The following CTIF variants were observed in gnomAD, a reference collection of about 807,000 sequenced individuals.
CTIF encodes the protein CBP80/20-dependent translation initiation factor.
Under a neutral mutation model 66.0 loss-of-function variants are expected in CTIF, and 21 were observed. That is an observed-to-expected ratio of 0.32 (90% CI 0.23 to 0.46). CTIF has a LOEUF of 0.46. CTIF is among the 20% of genes least tolerant of loss of function. The pLI is 1.00. For missense variants in CTIF, 739 were observed against 812.7 expected (o/e 0.91, Z 1.10); for synonymous variants, 345 against 326.4 (o/e 1.06, Z -0.62).
intron 9 of CTIF, among the ~76,000 whole-genome samples, chr18:48,808,405 A>G (rs942918223): frequency 1.3e-5 from 2 of 151,958 alleles, no homozygotes; most frequent in African/African-American, 4.8e-5. Context: ...TCCTGAGCAT[A>G]TCAATTGTCT....
At chr18:48,799,005 T>C (rs1034702584) in intron 9 of CTIF, among the ~76,000 whole-genome samples, 1 of 152,198 alleles carries the variant, frequency 6.6e-6, no homozygotes, top group African/African-American at 2.4e-5. Context: ...CTCCTCTCGC[T>C]GCCACCAGCG....
chr18:48,846,249 T>G (rs1192731407), intron 10 of CTIF, among the ~76,000 whole-genome samples: 6 of 152,244 alleles, frequency 3.9e-5, no homozygotes, highest in Admixed American at 3.3e-4. Flanking sequence ...TTTTGCTTTT[T>G]TACATCTTTC....
chr18:48,560,093 G>A (rs905891296), intron 1 of CTIF, among the ~76,000 whole-genome samples: 1 of 152,154 alleles, frequency 6.6e-6, no homozygotes, highest in African/African-American at 2.4e-5. Flanking sequence ...GCATAGAAAT[G>A]CCAGTTATCT....
At chr18:48,645,910 G>T (rs2091022701) in intron 3 of CTIF, among the ~76,000 whole-genome samples, 1 of 152,188 alleles carries the variant, frequency 6.6e-6, no homozygotes, top group Non-Finnish European at 1.5e-5. Flanking sequence ...CTTTTCCCCT[G>T]CCAGAGTGGT....
At chr18:48,611,794 A>T (rs1206982328) in intron 1 of CTIF, among the ~76,000 whole-genome samples, 2 of 152,210 alleles carry the variant, frequency 1.3e-5, no homozygotes, top group Non-Finnish European at 2.9e-5. Flanking sequence ...CTACATGCTG[A>T]TATTTTCAAT....
intron 1 of CTIF, among the ~76,000 whole-genome samples, chr18:48,584,561 C>T (rs1182772172): frequency 6.6e-6 from 1 of 152,198 alleles, no homozygotes; most frequent in African/African-American, 2.4e-5. Flanking sequence ...TCTCCAGTTG[C>T]ACACCACAGA....
At chr18:48,829,024 G>T (rs971743115) in intron 10 of CTIF, among the ~76,000 whole-genome samples, 1 of 152,228 alleles carries the variant, frequency 6.6e-6, no homozygotes, top group South Asian at 2.1e-4. Flanking sequence ...CCTGCTATCT[G>T]CAGAGCTGAG....
At chr18:48,551,967 A>AT (rs1018777308) in intron 1 of CTIF, among the ~76,000 whole-genome samples, 14 of 151,398 alleles carry the variant, frequency 9.2e-5, no homozygotes, top group South Asian at 2.1e-4. Flanking sequence ...CCAGCTAATT[A>AT]TTTTTTTTGT....
Position 48,804,778 on chromosome 18 carries a change from C to A in CTIF, c.1372-12443C>A, listed in dbSNP as rs543145539. On this transcript the variant is annotated intron_variant, in intron 9 of 11. Transcript: ENST00000256413. ...CAGGACCCGGGCAATAACCAGATCA[C>A]CCCTTCCCTGCTTCTCCTCCTATCC... 3.9e-5 allele frequency among the ~76,000 whole-genome samples: 6 copies of A among 152,300 alleles called. No individual in the cohort carries two copies. The South Asian group carries it at 1.2e-3, about 32-fold the overall frequency.
chr18:48,555,684 C>T (rs546280082), intron 1 of CTIF, among the ~76,000 whole-genome samples: 1 of 152,216 alleles, frequency 6.6e-6, no homozygotes, highest in Non-Finnish European at 1.5e-5. Flanking sequence ...AGGTTTGGTG[C>T]TCACCTTTGC....
chr18:48,703,071 T>C (rs960459164), intron 6 of CTIF, among the ~76,000 whole-genome samples: 1 of 152,102 alleles, frequency 6.6e-6, no homozygotes, highest in Non-Finnish European at 1.5e-5. Context: ...TCTACCCAGG[T>C]TGGGGCTAGA....
chr18:48,761,817 T>A lies in CTIF; in HGVS notation c.1371+128T>A. 1 of 944,738 alleles carries A rather than the reference T, an allele frequency of 1.1e-6. No individual in the cohort carries two copies. Among genetic ancestry groups the A allele is most frequent in the East Asian group, 2.6e-5 (1 of 37,974 alleles). The allele number at this position is 944,738 out of a possible 1,614,324, so 58.5% of individuals were successfully genotyped here. A position where few individuals can be genotyped will look rare whatever the true frequency, so the allele number is the denominator to read the frequency against. Reference sequence around the variant, plus strand: ...TTCCCAAGTTCCGCCCTTGCCCGATTAATTATAGAAAACACAAAGGCAGTT... The same window carrying A: ...TTCCCAAGTTCCGCCCTTGCCCGATAAATTATAGAAAACACAAAGGCAGTT... On this transcript the variant is annotated intron_variant, in intron 9 of 11. Coordinates refer to ENST00000256413, the MANE Select transcript of CTIF (RefSeq NM_014772.3). The surrounding 1 kb of genome is among the most constrained non-coding windows in gnomAD (Gnocchi z 4.2).
chr18:48,655,127 AAATAATAAT>A (rs536589724), intron 3 of CTIF, among the ~76,000 whole-genome samples: 1 of 151,732 alleles, frequency 6.6e-6, no homozygotes, highest in South Asian at 2.1e-4. Context: ...TATAATTTAA[AAATAATAAT>A]AATAATAAAA....
intron 2 of CTIF, among the ~76,000 whole-genome samples, chr18:48,635,140 G>T (rs895698551): frequency 2.0e-5 from 3 of 152,070 alleles, no homozygotes; most frequent in African/African-American, 7.2e-5. Context: ...AACATTGTAA[G>T]AATAACATCC....
intron 9 of CTIF, among the ~76,000 whole-genome samples, chr18:48,795,925 C>T (rs1259999235): frequency 6.6e-6 from 1 of 152,186 alleles, no homozygotes; most frequent in Non-Finnish European, 1.5e-5. Flanking sequence ...ACCATCTTTC[C>T]TGTGCTGGAA....
chr18:48,779,801 T>A (rs1911041962), intron 9 of CTIF, among the ~76,000 whole-genome samples: 3 of 152,232 alleles, frequency 2.0e-5, no homozygotes. Context: ...CCCACTGGGC[T>A]GGTTTCCAAC....
At chr18:48,656,272 G>C (rs2091245946) in intron 3 of CTIF, among the ~76,000 whole-genome samples, 1 of 152,244 alleles carries the variant, frequency 6.6e-6, no homozygotes, top group Non-Finnish European at 1.5e-5. Flanking sequence ...ATAGTGTACA[G>C]TGGTTAGAGC....
intron 10 of CTIF, among the ~76,000 whole-genome samples, chr18:48,817,619 T>C (rs1568242318): frequency 6.6e-6 from 1 of 151,980 alleles, no homozygotes; most frequent in Non-Finnish European, 1.5e-5. Flanking sequence ...CTACTAAAAA[T>C]GCAAAAATTA....
chr18:48,544,484 T>C (rs2088698743), intron 1 of CTIF, among the ~76,000 whole-genome samples: 1 of 152,222 alleles, frequency 6.6e-6, no homozygotes. Flanking sequence ...ACAGAAAGCC[T>C]TGAACTTCCC....
Sources: gnomAD v4.1 joint callset for allele counts (sites outside exome capture counted in the v4.1 genomes callset) on GRCh38, gnomAD v4.1.1 for gene constraint, Gnocchi (gnomAD v3.1) non-coding constraint, MANE v1.5 for transcripts, NCBI Gene and HGNC (gene_info 2026-07-23, HGNC 2026-07-21) for gene names.